Variants in PTPRG observed in about 807,000 individuals in gnomAD.
The protein encoded by PTPRG is protein tyrosine phosphatase receptor type G.
A neutral mutation model predicts 165.3 loss-of-function variants in PTPRG; 102 were observed. The ratio of observed to expected loss-of-function variants is 0.62; its 90% confidence interval spans 0.53 to 0.73. PTPRG has a LOEUF of 0.73. PTPRG is among the 30% of genes least tolerant of loss of function. The pLI, the probability that PTPRG is intolerant of heterozygous loss-of-function variation, is 0.00. For missense variants in PTPRG, 1,866 were observed against 1,861.4 expected (o/e 1.00, Z -0.05); for synonymous variants, 675 against 669.5 (o/e 1.01, Z -0.13).
At chr3:62,133,860 A>G (rs1703607549) in intron 6 of PTPRG, among the ~76,000 whole-genome samples, 2 of 152,042 alleles carry the variant, frequency 1.3e-5, no homozygotes, top group African/African-American at 2.4e-5. Flanking sequence ...ATAGGCGCCT[A>G]TAATCCCAGC....
intron 2 of PTPRG, among the ~76,000 whole-genome samples, chr3:61,817,065 ATACATATATTATATATAATATATAT>A (rs1338248488): frequency 7.5e-6 from 1 of 133,728 alleles, no homozygotes; most frequent in Admixed American, 8.7e-5. Flanking sequence ...ATAATATATA[ATACATATATTATATATAATATATAT>A]TACATATTAT....
intron 1 of PTPRG, among the ~76,000 whole-genome samples, chr3:61,653,541 T>G (rs1346785373): frequency 6.6e-6 from 1 of 152,194 alleles, no homozygotes; most frequent in African/African-American, 2.4e-5. Flanking sequence ...CAGGCACCCC[T>G]GCTTCAGGTA....
At chr3:61,739,620 A>G (rs1162478051) in intron 1 of PTPRG, among the ~76,000 whole-genome samples, 8 of 152,158 alleles carry the variant, frequency 5.3e-5, no homozygotes, top group African/African-American at 1.4e-4. Flanking sequence ...ACCTTTTCTG[A>G]ATAATTGTAC....
At position 61,870,476 on chromosome 3, in the gene PTPRG, C is replaced by CT. The variant is rs869118813; in HGVS notation, c.191-119123dup. 4.6e-3 allele frequency among the ~76,000 whole-genome samples: 82 copies of CT among 17,968 alleles called. 9 individuals are homozygous for CT. The highest frequency in any genetic ancestry group is 8.8e-3 in the African/African-American group (31 of 3,510). The allele number at this position is 17,968 out of a possible 152,430, so 11.8% of individuals were successfully genotyped here. ...TACAGGCATGAACTACCACACCTAG[C>CT]TTTTTTTTTTTTTTTTTTTTTTTTT... On this transcript the variant is annotated intron_variant, in intron 2 of 29. Coordinates refer to ENST00000474889, the MANE Select transcript of PTPRG (RefSeq NM_002841.4).
At position 62,143,844 on chromosome 3, in the gene PTPRG, A is replaced by C. The variant is rs181552099; in HGVS notation, c.682+11176A>C. On this transcript the variant is annotated intron_variant, in intron 6 of 29. Coordinates refer to ENST00000474889, the MANE Select transcript of PTPRG (RefSeq NM_002841.4). ...TGTGTGACCCCAGTACAAATTACTG[A>C]ACCTCTCTGTCCCTGACTTTCTGCC... Among the ~76,000 whole-genome samples the C allele has an allele frequency of 1.1e-4, 16 of 152,330 alleles. No homozygotes were observed. In the East Asian group the frequency reaches 3.1e-3, roughly 29 times the overall value.
chr3:61,711,963 G>A (rs376215365), intron 1 of PTPRG, among the ~76,000 whole-genome samples: 7 of 145,712 alleles, frequency 4.8e-5, no homozygotes, highest in African/African-American at 1.8e-4. Flanking sequence ...GTGTGATCTC[G>A]GCTCACTGCA....
chr3:61,813,337 AAAAAAAAAAT>A (rs2035647407), intron 2 of PTPRG, among the ~76,000 whole-genome samples: 1 of 150,338 alleles, frequency 6.7e-6, no homozygotes, highest in South Asian at 2.1e-4. Context: ...TAAAAAAAAA[AAAAAAAAAAT>A]AGAAAAAAAA....
Position 62,277,601 on chromosome 3 carries a change from T to C in PTPRG, c.3687T>C (p.His1229=). ...TTATAACTCAGCATCCTCTGCCACATACTACGAAAGATTTCTGGCGAATGA... is the reference window on the plus strand; with the variant it reads ...TTATAACTCAGCATCCTCTGCCACACACTACGAAAGATTTCTGGCGAATGA... ...EFIITQHPLP[H]TTKDFWRMIW... The change falls in exon 26 of 30, where the codon CAT becomes CAC. Residue 1229 remains histidine (H), a synonymous_variant. Transcript: ENST00000474889. 6.2e-7 allele frequency: 1 copy of C among 1,612,660 alleles called. No individual in the cohort carries two copies. The highest frequency in any genetic ancestry group is 1.3e-5 in the African/African-American group (1 of 74,976).
intron 5 of PTPRG, among the ~76,000 whole-genome samples, chr3:62,116,666 C>G (rs995068211): frequency 4.6e-5 from 7 of 152,164 alleles, no homozygotes; most frequent in Non-Finnish European, 1.0e-4. Context: ...TTGTCTTCAT[C>G]TGGCTGAGGT....
At chr3:61,890,026 A>G (rs1289169370) in intron 2 of PTPRG, among the ~76,000 whole-genome samples, 1 of 152,226 alleles carries the variant, frequency 6.6e-6, no homozygotes, top group Non-Finnish European at 1.5e-5. Flanking sequence ...TTTTGCACAT[A>G]ACTATTCTCA....
intron 1 of PTPRG, among the ~76,000 whole-genome samples, chr3:61,651,903 G>A (rs570792027): frequency 6.6e-6 from 1 of 152,062 alleles, no homozygotes; most frequent in African/African-American, 2.4e-5. Flanking sequence ...CCAGTTATTC[G>A]GGAGGCTGAG....
Position 62,281,549 on chromosome 3 carries a change from T to A in PTPRG, c.3766-14T>A. ...CAGAACTGCAGAGGCTTTTTTTTTT[T>A]TTGGATTCCAAAGGCAGAAGATGAG... On this transcript the variant is annotated splice_polypyrimidine_tract_variant and intron_variant, in intron 26 of 29. Transcript: ENST00000474889. 1 of 1,455,074 alleles carries A rather than the reference T, an allele frequency of 6.9e-7. No homozygotes were observed. The highest frequency in any genetic ancestry group is 2.5e-5 in the East Asian group (1 of 39,872). The allele number at this position is 1,455,074 out of a possible 1,614,324, so 90.1% of individuals were successfully genotyped here.
intron 2 of PTPRG, among the ~76,000 whole-genome samples, chr3:61,780,174 T>C (rs2034504380): frequency 6.6e-6 from 1 of 152,326 alleles, no homozygotes; most frequent in East Asian, 1.9e-4. Context: ...TCAGCGTTAC[T>C]ATATAAAGTT....
Position 62,139,980 on chromosome 3 carries a change from C to T in PTPRG, c.682+7312C>T, listed in dbSNP as rs1703861893. 3.9e-5 allele frequency among the ~76,000 whole-genome samples: 6 copies of T among 152,182 alleles called. No individual in the cohort carries two copies. The South Asian group carries it at 1.0e-3, about 26-fold the overall frequency. On this transcript the variant is annotated intron_variant, in intron 6 of 29. Coordinates refer to ENST00000474889, the MANE Select transcript of PTPRG (RefSeq NM_002841.4). ...AGAAACTCCACATCATTCATCTTTC[C>T]GTATTCCACCTGCTGGGACTGAAGT... is the stretch of plus-strand genomic sequence containing the variant.
At chr3:61,603,771 A>T (rs1700927202) in intron 1 of PTPRG, among the ~76,000 whole-genome samples, 1 of 152,050 alleles carries the variant, frequency 6.6e-6, no homozygotes, top group Non-Finnish European at 1.5e-5. Flanking sequence ...TGCCTTGCAG[A>T]TGTGGCTCCA....
At chr3:61,833,054 G>A (rs1575703202) in intron 2 of PTPRG, among the ~76,000 whole-genome samples, 1 of 132,244 alleles carries the variant, frequency 7.6e-6, no homozygotes, top group East Asian at 2.2e-4. Context: ...TTTTATGTCT[G>A]AGTAGTATTC....
chr3:61,877,950 T>G (rs1371657410), intron 2 of PTPRG, among the ~76,000 whole-genome samples: 1 of 152,196 alleles, frequency 6.6e-6, no homozygotes, highest in Non-Finnish European at 1.5e-5. Flanking sequence ...TTAACATAAT[T>G]AGCTCCTCGC....
intron 4 of PTPRG, among the ~76,000 whole-genome samples, chr3:62,011,387 C>CT (rs1368054986): frequency 2.0e-5 from 3 of 152,144 alleles, no homozygotes; most frequent in Non-Finnish European, 2.9e-5. Context: ...TGAAAAGTTT[C>CT]TTTTTTCACA....
intron 4 of PTPRG, among the ~76,000 whole-genome samples, chr3:62,076,744 G>T (rs933095977): frequency 6.0e-5 from 9 of 151,048 alleles, no homozygotes; most frequent in Non-Finnish European, 1.2e-4. Flanking sequence ...ACCATGCCTG[G>T]CTAATTTTGT....
Sources: gnomAD v4.1 joint callset for allele counts (sites outside exome capture counted in the v4.1 genomes callset) on GRCh38, gnomAD v4.1.1 for gene constraint, MANE v1.5 for transcripts, NCBI Gene and HGNC (gene_info 2026-07-23, HGNC 2026-07-21) for gene names.